CWH43: variants seen among roughly 807,000 people sequenced by gnomAD.
CWH43 encodes the protein cell wall biogenesis 43 C-terminal homolog.
CWH43 carries 91 observed loss-of-function variants against 85.7 expected under a neutral mutation model. That is an observed-to-expected ratio of 1.06 (90% CI 0.90 to 1.26). The LOEUF (loss-of-function observed/expected upper bound fraction) is 1.26. Among genes scored for constraint, CWH43 ranks in the 50% most tolerant of loss-of-function variants. The pLI, the probability that CWH43 is intolerant of heterozygous loss-of-function variation, is 0.00. For missense variants in CWH43, 869 were observed against 839.2 expected (o/e 1.04, Z -0.44); for synonymous variants, 323 against 293.6 (o/e 1.10, Z -1.02).
intron 1 of CWH43, 44 bp downstream of exon 1, chr4:48,986,516 C>T (rs1321915668): frequency 6.5e-7 from 1 of 1,549,662 alleles, no homozygotes; most frequent in Non-Finnish European, 8.7e-7. Context: ...TGCCAGCTCC[C>T]CGGGCCATGT....
At chr4:49,026,632 C>T (rs61310806) in intron 9 of CWH43, among the ~76,000 whole-genome samples, 2,779 of 147,294 alleles carry the variant, frequency 0.019, 35 homozygotes, top group African/African-American at 0.046. Context: ...TAAGAACATA[C>T]GATATTTGGT....
Position 49,050,693 on chromosome 4 carries a change from G to A in CWH43, c.1866-1G>A. ...ACAAACCATTTCTGTTTCTGCTACA[G>A]GTTGGGTTATGCAAGAATCTCCCAT... On this transcript the variant is annotated splice_acceptor_variant, in intron 14 of 15. Transcript: ENST00000226432. LOFTEE classifies it high-confidence loss of function. 1.2e-6 allele frequency: 2 copies of A among 1,608,820 alleles called. No individual in the cohort carries two copies. Among genetic ancestry groups the A allele is most frequent in the South Asian group, 1.1e-5 (1 of 89,826 alleles).
chr4:49,008,562 T>C (rs1438741953), intron 8 of CWH43, among the ~76,000 whole-genome samples: 1 of 152,198 alleles, frequency 6.6e-6, no homozygotes, highest in Non-Finnish European at 1.5e-5. Context: ...GCCTATGTCC[T>C]GAATGGTATT....
At chr4:49,048,543 G>C (rs1461168184) in intron 14 of CWH43, among the ~76,000 whole-genome samples, 1 of 152,034 alleles carries the variant, frequency 6.6e-6, no homozygotes. Context: ...CCAAGATTAA[G>C]GTACCAGCAG....
intron 12 of CWH43, among the ~76,000 whole-genome samples, chr4:49,036,189 C>T (rs766252010): frequency 6.6e-6 from 1 of 152,162 alleles, no homozygotes; most frequent in South Asian, 2.1e-4. Context: ...CTTCTCCCAA[C>T]GTTTAATCTC....
chr4:49,004,138 C>G lies in CWH43; in HGVS notation c.1060+146C>G, dbSNP rs1405831413. On this transcript the variant is annotated intron_variant, in intron 7 of 15. Coordinates refer to ENST00000226432, the MANE Select transcript of CWH43 (RefSeq NM_025087.3). ...AAAATAGACTCTCTTGATTAAAACA[C>G]AAAACCTGGAGTGATGTCTAAATTA... 5.8e-6 allele frequency: 4 copies of G among 690,846 alleles called. No homozygotes were observed. The Admixed American group carries it at 9.6e-5, about 17-fold the overall frequency. The allele number at this position is 690,846 out of a possible 1,614,324, so 42.8% of individuals were successfully genotyped here. A position where few individuals can be genotyped will look rare whatever the true frequency, so the allele number is the denominator to read the frequency against.
chr4:49,024,883 T>C (rs542633947), intron 9 of CWH43, among the ~76,000 whole-genome samples: 1 of 152,254 alleles, frequency 6.6e-6, no homozygotes, highest in South Asian at 2.1e-4. Context: ...GCTTCTTGTA[T>C]TTGGTTGTCT....
At chr4:48,987,781 G>A (rs1560482137) in intron 1 of CWH43, among the ~76,000 whole-genome samples, 1 of 152,172 alleles carries the variant, frequency 6.6e-6, no homozygotes, top group Non-Finnish European at 1.5e-5. Context: ...CCACTACCCA[G>A]CACTGCCTCA....
chr4:49,048,185 C>A (rs1784686512), intron 14 of CWH43, among the ~76,000 whole-genome samples: 2 of 151,984 alleles, frequency 1.3e-5, no homozygotes, highest in African/African-American at 4.8e-5. Flanking sequence ...AACCAAGGAA[C>A]AGTGGTATTT....
In CWH43 at chr4:49,000,144, T is replaced by C. The variant is rs532777275; in HGVS notation, c.802+1596T>C. On this transcript the variant is annotated intron_variant, in intron 6 of 15. Coordinates refer to ENST00000226432, the MANE Select transcript of CWH43 (RefSeq NM_025087.3). ...ATGTTGTTAATACATGTTAATTAAG[T>C]TGGTGATTCAGAGTGGTACTCTAGG... is the stretch of plus-strand genomic sequence containing the variant. Among the ~76,000 whole-genome samples, 5 of 152,262 alleles carry C rather than the reference T, an allele frequency of 3.3e-5. No individual in the cohort carries two copies. The South Asian group carries it at 8.3e-4, about 25-fold the overall frequency.
At chr4:49,033,539 G>T (rs771342937) in intron 12 of CWH43, among the ~76,000 whole-genome samples, 4 of 152,266 alleles carry the variant, frequency 2.6e-5, no homozygotes, top group African/African-American at 9.6e-5. Context: ...AGACAAGCAC[G>T]TGAAGTTAAT....
intron 1 of CWH43, among the ~76,000 whole-genome samples, chr4:48,988,049 A>G (rs1260164400): frequency 1.3e-5 from 2 of 152,194 alleles, no homozygotes; most frequent in Non-Finnish European, 2.9e-5. Context: ...CCATATGGGC[A>G]AGGGAAAGGA....
intron 13 of CWH43, among the ~76,000 whole-genome samples, chr4:49,040,071 G>T (rs1344229021): frequency 6.6e-6 from 1 of 152,130 alleles, no homozygotes; most frequent in Non-Finnish European, 1.5e-5. Context: ...CAAAGGACAT[G>T]AATTCATCAT....
At chr4:49,001,768 C>T (rs1191642157) in intron 6 of CWH43, among the ~76,000 whole-genome samples, 1 of 152,012 alleles carries the variant, frequency 6.6e-6, no homozygotes, top group Non-Finnish European at 1.5e-5. Context: ...TTTTCATTCC[C>T]TCTAGATAAT....
intron 15 of CWH43, among the ~76,000 whole-genome samples, chr4:49,052,042 C>T (rs1784815730): frequency 6.6e-6 from 1 of 152,086 alleles, no homozygotes; most frequent in African/African-American, 2.4e-5. Flanking sequence ...CCGCTTTTAC[C>T]AGCTAATAAA....
chr4:49,017,160 T>A, intron 8 of CWH43, 89 bp from the exon 9 acceptor site: 1 of 1,092,696 alleles, frequency 9.2e-7, no homozygotes, highest in Non-Finnish European at 1.4e-6. Context: ...GCCATGGCAC[T>A]GGAGCTGAGG....
intron 8 of CWH43, among the ~76,000 whole-genome samples, chr4:49,008,662 G>T (rs552006606): frequency 6.6e-6 from 1 of 152,286 alleles, no homozygotes; most frequent in South Asian, 2.1e-4. Flanking sequence ...CAAAGTGCAA[G>T]GAAGAAATCC....
At chr4:49,045,088 T>C (rs1784583733) in intron 14 of CWH43, among the ~76,000 whole-genome samples, 1 of 152,174 alleles carries the variant, frequency 6.6e-6, no homozygotes, top group Non-Finnish European at 1.5e-5. Context: ...AAGAGGGTAC[T>C]GTGTAGGCTA....
rs1288639619 is a variant in CWH43, at chr4:49,036,350, A to T, written c.1659-1686A>T. Among the ~76,000 whole-genome samples the T allele has an allele frequency of 3.3e-5, 5 of 152,336 alleles. No homozygotes were observed. In the South Asian group the frequency reaches 1.0e-3, roughly 32 times the overall value. ...GGAAATGAAAAATAACCATAGGCAT[A>T]TTAGCCTCATTTAAAAATAGAGCTA... is the stretch of plus-strand genomic sequence containing the variant. On this transcript the variant is annotated intron_variant, in intron 12 of 15. Coordinates refer to ENST00000226432, the MANE Select transcript of CWH43 (RefSeq NM_025087.3).
Sources: allele counts gnomAD v4.1 joint callset (sites outside exome capture counted in the v4.1 genomes callset), GRCh38; gene constraint gnomAD v4.1.1; transcripts MANE v1.5; gene names NCBI Gene and HGNC (gene_info 2026-07-23, HGNC 2026-07-21).